DDB1: variants seen among roughly 807,000 people sequenced by gnomAD.
The protein encoded by DDB1 is damage specific DNA binding protein 1, also known as DNA damage-binding protein 1.
A neutral mutation model predicts 133.1 loss-of-function variants in DDB1; 18 were observed. The ratio of observed to expected loss-of-function variants is 0.14; its 90% CI spans 0.09 to 0.20. DDB1 has a LOEUF of 0.20. DDB1 is among the 10% of genes least tolerant of loss of function. The pLI, the probability that DDB1 is intolerant of heterozygous loss-of-function variation, is 1.00. For synonymous variants in DDB1, 580 were observed against 550.5 expected, an observed-to-expected ratio of 1.05 and a Z score of -0.75; for missense variants, 828 against 1,459.2, an observed-to-expected ratio of 0.57 and a Z score of 7.05.
chr11:61,320,203 TTTTC>T (rs1198838977), intron 10 of DDB1, among the ~76,000 whole-genome samples: 8 of 150,718 alleles, frequency 5.3e-5, no homozygotes, highest in African/African-American at 9.7e-5. Flanking sequence ...TCTTTTCTTT[TTTTC>T]TTTTTTTTTT....
intron 10 of DDB1, among the ~76,000 whole-genome samples, chr11:61,318,028 G>GC (rs1216257382): frequency 2.0e-5 from 3 of 152,086 alleles, no homozygotes; most frequent in Admixed American, 6.5e-5. Context: ...GGCCCACTAT[G>GC]CAACACTAAG....
At position 61,331,628 on chromosome 11, in the gene DDB1, T is replaced by C. The variant is rs778702567; in HGVS notation, c.125A>G (p.Tyr42Cys). 2 of 1,614,172 alleles carry C rather than the reference T, an allele frequency of 1.2e-6. No homozygotes were observed. Among genetic ancestry groups the C allele is most frequent in the East Asian group, 2.2e-5 (1 of 44,886 alleles). Residue 42 changes from tyrosine (Y) to cysteine (C), a missense_variant, in exon 2 of 27, where the codon TAT becomes TGT. By Grantham distance (194) the Tyr-to-Cys change is radical. This residue lies in a region of DDB1 where 210 missense variants were observed against 344.8 expected (regional missense o/e 0.61). Coordinates refer to ENST00000301764, the MANE Select transcript of DDB1 (RefSeq NM_001923.5). Reference protein sequence around the residue: ...LIAKNTRLEIYVVTAEGLRPV... With the variant: ...LIAKNTRLEICVVTAEGLRPV... ...CCGAAGCCCCTCGGCGGTGACCACA[T>C]AGATCTCTAATCTCGTGTTTTTGGC...
At chr11:61,331,196 T>C (rs898246034) in intron 2 of DDB1, among the ~76,000 whole-genome samples, 2 of 152,132 alleles carry the variant, frequency 1.3e-5, no homozygotes, top group Non-Finnish European at 2.9e-5. Context: ...CCCTAATGAA[T>C]CTCTCCTTTT....
At chr11:61,313,457 C>G in intron 16 of DDB1, 42 bp downstream of exon 16, 1 of 1,568,898 alleles carries the variant, frequency 6.4e-7, no homozygotes. Context: ...TCATGACCCC[C>G]TCAATCAATA....
intron 15 of DDB1, 66 bp downstream of exon 15, chr11:61,313,796 A>G (rs1856017578): frequency 1.3e-6 from 2 of 1,594,792 alleles, no homozygotes; most frequent in Non-Finnish European, 8.6e-7. Flanking sequence ...CCCTGGGACT[A>G]AGAATTCTGT....
intron 16 of DDB1, among the ~76,000 whole-genome samples, chr11:61,312,504 CTCTTTTT>C (rs1198391814): frequency 1.1e-4 from 15 of 140,114 alleles, no homozygotes; most frequent in African/African-American, 4.2e-4. Flanking sequence ...CTCTCTCTCT[CTCTTTTT>C]TTTTTTTTTT....
At chr11:61,300,520 C>T (rs975940318) in intron 26 of DDB1, among the ~76,000 whole-genome samples, 1 of 152,206 alleles carries the variant, frequency 6.6e-6, no homozygotes, top group African/African-American at 2.4e-5. Context: ...CTGACCCTGC[C>T]TCCCACCTTT....
intron 25 of DDB1, chr11:61,301,925 T>C (rs1855802304): frequency 5.1e-6 from 1 of 194,884 alleles, no homozygotes; most frequent in African/African-American, 2.3e-5. Context: ...ACCAAATCCC[T>C]GAAAGGATGT....
At chr11:61,308,949 G>A in intron 21 of DDB1, 34 bp downstream of exon 21, 2 of 1,602,228 alleles carry the variant, frequency 1.2e-6, no homozygotes, top group Non-Finnish European at 1.7e-6. Flanking sequence ...ATGATGGGCA[G>A]CCTAAAGTAA....
In DDB1 at chr11:61,309,025, C is replaced by T; in HGVS notation, c.2619G>A (p.Met873Ile). Residue 873 changes from methionine (M) to isoleucine (I), a missense_variant, in exon 21 of 27, where the codon ATG becomes ATA. By Grantham distance (10) the Met-to-Ile change is conservative. Transcript: ENST00000301764. ...CTAACAGCTTCCCGTTAAATTCCAC[C>T]ATAGAGTACACGGCCCCTTTCACTT... Reference protein sequence around the residue: ...EKEVKGAVYSMVEFNGKLLAS... With the variant: ...EKEVKGAVYSIVEFNGKLLAS... 1 of 1,614,170 alleles carries T rather than the reference C, an allele frequency of 6.2e-7. No homozygotes were observed. Among genetic ancestry groups the T allele is most frequent in the African/African-American group, 1.3e-5 (1 of 75,018 alleles).
At chr11:61,329,324 A>G in intron 4 of DDB1, 39 bp downstream of exon 4, 1 of 1,596,864 alleles carries the variant, frequency 6.3e-7, no homozygotes, top group Non-Finnish European at 8.6e-7. Flanking sequence ...CTATCACATC[A>G]ACCTCACAGT....
rs757651101 is a variant in DDB1, at chr11:61,319,592, C to T, written c.1225+2003G>A. Among the ~76,000 whole-genome samples the T allele has an allele frequency of 9.2e-5, 14 of 152,168 alleles. No homozygotes were observed. In the East Asian group the frequency reaches 1.4e-3, roughly 15 times the overall value. On this transcript the variant is annotated intron_variant, in intron 10 of 26. Transcript: ENST00000301764. The stretch of plus-strand genomic sequence containing the variant: ...GACTACAGGCACGCGCCACCACCCC[C>T]GGCTAATTTTTTGTATTTTAGTAGA...
In DDB1 at chr11:61,309,788, C is replaced by G. The variant is rs1266542119; in HGVS notation, c.2566+8G>C. 1 of 1,608,612 alleles carries G rather than the reference C, an allele frequency of 6.2e-7. No individual in the cohort carries two copies. Among genetic ancestry groups the G allele is most frequent in the Admixed American group, 1.7e-5 (1 of 59,482 alleles). ...ATCCCTCAGAAACTGGAGACTGCGC[C>G]CACTTACCATCCGAATACTGAAAGA... On this transcript the variant is annotated splice_region_variant and intron_variant, in intron 20 of 26. Transcript: ENST00000301764.
intron 19 of DDB1, among the ~76,000 whole-genome samples, 161 bp from the exon 20 acceptor site, chr11:61,310,121 G>A (rs1381361618): frequency 1.3e-5 from 2 of 152,130 alleles, no homozygotes; most frequent in Non-Finnish European, 2.9e-5. Flanking sequence ...CCTAAGCTAA[G>A]GAGAGGATGC....
rs1189156703 is a variant in DDB1 at position 61,307,004 on chromosome 11, A to G, written c.2661+1979T>C. Among the ~76,000 whole-genome samples the G allele has an allele frequency of 9.9e-5, 15 of 152,162 alleles. No homozygotes were observed. The South Asian group carries it at 2.3e-3, about 23-fold the overall frequency. ...CTCCTTCCCATCTTCTCTCTCAGCAATTTCACAGAGAACAGAGACACAGCC... is the reference window on the plus strand; with the variant it reads ...CTCCTTCCCATCTTCTCTCTCAGCAGTTTCACAGAGAACAGAGACACAGCC... On this transcript the variant is annotated intron_variant, in intron 21 of 26. Coordinates refer to ENST00000301764, the MANE Select transcript of DDB1 (RefSeq NM_001923.5).
rs765624046 is a variant in DDB1, at chr11:61,308,990, T to C, written c.2654A>G (p.Asn885Ser). The stretch of plus-strand genomic sequence containing the variant: ...AAGTGGTCCAGGCCTCACCGTGCTA[T>C]TGATGCTGGCTAACAGCTTCCCGTT... Reference protein sequence around the residue: ...EFNGKLLASINSTVRLYEWTT... With the variant: ...EFNGKLLASISSTVRLYEWTT... Residue 885 changes from asparagine (N) to serine (S), a missense_variant, in exon 21 of 27, where the codon AAT becomes AGT. Coordinates refer to ENST00000301764, the MANE Select transcript of DDB1 (RefSeq NM_001923.5). The C allele has an allele frequency of 1.9e-6, 3 of 1,614,214 alleles. No homozygotes were observed. Among genetic ancestry groups the C allele is most frequent in the Non-Finnish European group, 2.5e-6 (3 of 1,180,038 alleles).
chr11:61,305,591 A>G (rs772945296), intron 21 of DDB1, among the ~76,000 whole-genome samples: 7 of 152,186 alleles, frequency 4.6e-5, no homozygotes, highest in Non-Finnish European at 1.0e-4. Context: ...GTCTTCAGGT[A>G]AGCCCACCTT....
At chr11:61,332,112 G>GAA (rs3840767) in intron 1 of DDB1, 143,447 of 166,916 alleles carry the variant, frequency 0.86, 65,342 homozygotes, top group Non-Finnish European at 1. Context: ...GTCAAATGAA[G>GAA]AAGTCCCAGA....
In DDB1 at chr11:61,316,584, G is replaced by A. The variant is rs1285709567; in HGVS notation, c.1226-17C>T. The A allele has an allele frequency of 3.7e-6, 6 of 1,613,750 alleles. No homozygotes were observed. In the South Asian group the frequency reaches 5.5e-5, roughly 15 times the overall value. On this transcript the variant is annotated splice_polypyrimidine_tract_variant and intron_variant, in intron 10 of 26. Coordinates refer to ENST00000301764, the MANE Select transcript of DDB1 (RefSeq NM_001923.5). Reference sequence around the variant, plus strand: ...GCCATAATCCTGGAACAAGGACCAAGGATTCAGATGCATAGGACAGACCAA... The same window carrying A: ...GCCATAATCCTGGAACAAGGACCAAAGATTCAGATGCATAGGACAGACCAA...
Sources: allele counts gnomAD v4.1 joint callset (sites outside exome capture counted in the v4.1 genomes callset), GRCh38; gene constraint gnomAD v4.1.1; regional missense constraint gnomAD v4.1.1; transcripts MANE v1.5; gene names NCBI Gene and HGNC (gene_info 2026-07-23, HGNC 2026-07-21).